The following CADPS variants were observed in gnomAD, a reference collection of about 807,000 sequenced individuals.
CADPS encodes calcium-dependent secretion activator 1.
CADPS carries 57 observed loss-of-function variants against 167.3 expected under a neutral mutation model. The ratio of observed to expected loss-of-function variants is 0.34; its 90% confidence interval spans 0.28 to 0.42. The LOEUF (loss-of-function observed/expected upper bound fraction) is 0.42, where lower values mean the gene tolerates loss of function less well. CADPS is among the 20% of genes least tolerant of loss of function. The probability of loss-of-function intolerance (pLI) is 1.00; values close to 1 mark genes in which losing one functional copy is unlikely to be tolerated. For missense variants in CADPS, 1,414 were observed against 1,738.1 expected (o/e 0.81, Z 3.32); for synonymous variants, 676 against 635.3 (o/e 1.06, Z -0.96).
intron 6 of CADPS, among the ~76,000 whole-genome samples, chr3:62,616,118 C>T (rs542704746): frequency 2.5e-4 from 38 of 152,236 alleles, no homozygotes; most frequent in African/African-American, 7.7e-4. Context: ...CAGTTTATTC[C>T]CTCCATCAAT....
chr3:62,522,095 CTCTATCTA>C (rs3074258), intron 13 of CADPS, among the ~76,000 whole-genome samples: 17,593 of 143,918 alleles, frequency 0.12, 1,142 homozygotes, highest in South Asian at 0.13. Flanking sequence ...ATCCTCAAAG[CTCTATCTA>C]TCTATCTATC....
intron 3 of CADPS, among the ~76,000 whole-genome samples, chr3:62,689,511 C>T (rs1457045426): frequency 6.6e-6 from 1 of 152,000 alleles, no homozygotes; most frequent in Admixed American, 6.6e-5. Context: ...ATGCCAGTGT[C>T]CTGGGGCTCC....
At chr3:62,468,043 C>T (rs1029717895) in intron 24 of CADPS, among the ~76,000 whole-genome samples, 1 of 152,012 alleles carries the variant, frequency 6.6e-6, no homozygotes, top group Non-Finnish European at 1.5e-5. Flanking sequence ...GTTGTAGTCC[C>T]GTTGAATCAG....
intron 1 of CADPS, among the ~76,000 whole-genome samples, chr3:62,782,480 G>A (rs941377352): frequency 6.6e-6 from 1 of 152,152 alleles, no homozygotes. Flanking sequence ...GATGACATGA[G>A]TTCACGCCCA....
chr3:62,414,363 G>A (rs750901179), intron 28 of CADPS, among the ~76,000 whole-genome samples: 7 of 152,160 alleles, frequency 4.6e-5, no homozygotes, highest in Non-Finnish European at 1.0e-4. Context: ...ATTAAGGTTT[G>A]GAATGTGTGT....
intron 6 of CADPS, among the ~76,000 whole-genome samples, chr3:62,603,382 C>T (rs974634625): frequency 6.6e-6 from 1 of 152,140 alleles, no homozygotes; most frequent in South Asian, 2.1e-4. Flanking sequence ...GGACAGAGAC[C>T]AAGTCCATCT....
chr3:62,729,389 G>A (rs374788674), intron 3 of CADPS, among the ~76,000 whole-genome samples: 1 of 151,820 alleles, frequency 6.6e-6, no homozygotes, highest in Non-Finnish European at 1.5e-5. Context: ...AAACCACAAA[G>A]GTGCAGAGCA....
chr3:62,403,173 T>C lies in CADPS; in HGVS notation c.3790A>G (p.Ser1264Gly), dbSNP rs199626657. 1.1e-4 allele frequency: 176 copies of C among 1,612,666 alleles called. No individual in the cohort carries two copies. In the East Asian group the frequency reaches 3.3e-3, roughly 30 times the overall value. ...IERLFDQWYN[S>G]SMNVICTWLT... ...CAGGTGCAGATCACGTTCATGGAGC[T>C]GTTGTACCATTGCTGAAAAAAGAGA... The change falls in exon 29 of 30, where the codon AGC (serine) becomes GGC (glycine). Residue 1264 changes from serine to glycine, a missense_variant. This residue lies in a region of CADPS where 185 missense variants were observed against 251.5 expected (regional missense o/e 0.74). Transcript: ENST00000383710.
intron 6 of CADPS, among the ~76,000 whole-genome samples, chr3:62,618,564 C>T (rs983843068): frequency 2.6e-5 from 4 of 152,120 alleles, no homozygotes; most frequent in Non-Finnish European, 5.9e-5. Context: ...AGCAGAGCCC[C>T]GCCTATCCGT....
rs144691383 is a variant in CADPS at position 62,530,831 on chromosome 3, C to T, written c.2291+2040G>A. On this transcript the variant is annotated intron_variant, in intron 13 of 29. Coordinates refer to ENST00000383710, the MANE Select transcript of CADPS (RefSeq NM_003716.4). ...TTGTTGACTTTGGAGAGGGGGTGGT[C>T]GCATGAGGCATGCACAGAGTGTGGC... is the stretch of plus-strand genomic sequence containing the variant. 163 of 1,256,166 alleles carry T rather than the reference C, an allele frequency of 1.3e-4. No individual in the cohort carries two copies. In the Middle Eastern group the frequency reaches 2.0e-3, roughly 16 times the overall value. The allele number at this position is 1,256,166 out of a possible 1,614,324, so 77.8% of individuals were successfully genotyped here. A position where few individuals can be genotyped will look rare whatever the true frequency, so the allele number is the denominator to read the frequency against.
chr3:62,835,095 A>G (rs992428723), intron 1 of CADPS, among the ~76,000 whole-genome samples: 1 of 152,224 alleles, frequency 6.6e-6, no homozygotes, highest in African/African-American at 2.4e-5. Context: ...AAATCTTTGC[A>G]AAATATAAAT....
At chr3:62,534,102 G>C (rs568204189) in intron 12 of CADPS, among the ~76,000 whole-genome samples, 1 of 152,186 alleles carries the variant, frequency 6.6e-6, no homozygotes, top group Non-Finnish European at 1.5e-5. Flanking sequence ...AGCAGAGCCT[G>C]AAATAAAATT....
intron 28 of CADPS, among the ~76,000 whole-genome samples, chr3:62,406,853 GA>G (rs1468188016): frequency 2.0e-5 from 3 of 152,188 alleles, no homozygotes; most frequent in African/African-American, 7.2e-5. Flanking sequence ...CTATTTAAAA[GA>G]AGCTGGAAGG....
chr3:62,859,775 A>G (rs115602967), intron 1 of CADPS, among the ~76,000 whole-genome samples: 3,392 of 152,304 alleles, frequency 0.022, 92 homozygotes, highest in African/African-American at 0.055. Flanking sequence ...GGAGCAAATC[A>G]TGTCCTTTGC....
chr3:62,697,097 T>A (rs2080445978), intron 3 of CADPS, among the ~76,000 whole-genome samples: 2 of 152,126 alleles, frequency 1.3e-5, no homozygotes, highest in African/African-American at 4.8e-5. Flanking sequence ...TTGGGCAAAT[T>A]ACTTAAATAT....
Position 62,458,545 on chromosome 3 carries a change from G to T in CADPS, c.3636+6822C>A, listed in dbSNP as rs1193269645. ...GCTCTATCACCCAGGCTGGAGTGAA[G>T]TGGCACGATTTCAGCTCACTACAAC... On this transcript the variant is annotated intron_variant, in intron 26 of 29. Coordinates refer to ENST00000383710, the MANE Select transcript of CADPS (RefSeq NM_003716.4). This position sits in a 1 kb window ranked among gnomAD's most constrained non-coding sequence, Gnocchi z 4.6. 6.6e-6 allele frequency among the ~76,000 whole-genome samples: 1 copy of T among 152,048 alleles called. No homozygotes were observed.
At chr3:62,849,329 G>A (rs1355811583) in intron 1 of CADPS, among the ~76,000 whole-genome samples, 5 of 143,944 alleles carry the variant, frequency 3.5e-5, no homozygotes, top group African/African-American at 1.3e-4. Context: ...TAGGAGTGGT[G>A]AGAGAGGGCA....
intron 17 of CADPS, among the ~76,000 whole-genome samples, chr3:62,508,893 C>T (rs2067185070): frequency 6.6e-6 from 1 of 151,806 alleles, no homozygotes; most frequent in Non-Finnish European, 1.5e-5. Flanking sequence ...TTCTTGGTGA[C>T]AGTGTTTAAA....
chr3:62,597,760 C>T (rs897182816), intron 6 of CADPS, among the ~76,000 whole-genome samples: 1 of 152,176 alleles, frequency 6.6e-6, no homozygotes, highest in Non-Finnish European at 1.5e-5. Flanking sequence ...TTTTCCCTTC[C>T]ACCAGGCCTG....
Sources: allele counts gnomAD v4.1 joint callset (sites outside exome capture counted in the v4.1 genomes callset), GRCh38; gene constraint gnomAD v4.1.1; regional missense constraint gnomAD v4.1.1; non-coding constraint Gnocchi (gnomAD v3.1); transcripts MANE v1.5; gene names NCBI Gene and HGNC (gene_info 2026-07-23, HGNC 2026-07-21).